Variants in CSRNP3 observed in about 807,000 individuals in gnomAD.
CSRNP3 encodes the protein cysteine/serine-rich nuclear protein 3.
In CSRNP3, 12 loss-of-function variants were observed where a neutral mutation model predicts 48.0. The observed-to-expected ratio is 0.25, with a 90% CI of 0.16 to 0.41. CSRNP3 has a LOEUF of 0.41. Ranked by LOEUF, CSRNP3 falls within the 10% of genes least tolerant of loss-of-function variation. The probability of loss-of-function intolerance (pLI) is 1.00; values close to 1 mark genes in which losing one functional copy is unlikely to be tolerated. For synonymous variants in CSRNP3, 263 were observed against 269.7 expected, an observed-to-expected ratio of 0.98 and a Z score of 0.24; for missense variants, 580 against 724.4, an observed-to-expected ratio of 0.80 and a Z score of 2.29.
chr2:165,498,868 A>G (rs1260318288), intron 2 of CSRNP3, among the ~76,000 whole-genome samples: 3 of 152,160 alleles, frequency 2.0e-5, no homozygotes, highest in Non-Finnish European at 4.4e-5. Context: ...CAGGATGTTC[A>G]TAGGTGGAAT....
chr2:165,611,258 G>A (rs945928952), intron 4 of CSRNP3, among the ~76,000 whole-genome samples: 7 of 152,060 alleles, frequency 4.6e-5, no homozygotes, highest in African/African-American at 1.7e-4. Context: ...CTTGGCTCAG[G>A]CATGTAGACA....
At chr2:165,611,358 G>A (rs1051601608) in intron 4 of CSRNP3, among the ~76,000 whole-genome samples, 2 of 59,230 alleles carry the variant, frequency 3.4e-5, no homozygotes, top group Admixed American at 1.9e-4. Context: ...ACCATTTCAC[G>A]ATATATGTGT....
At chr2:165,512,396 T>C (rs1161939727) in intron 2 of CSRNP3, among the ~76,000 whole-genome samples, 1 of 152,202 alleles carries the variant, frequency 6.6e-6, no homozygotes, top group Non-Finnish European at 1.5e-5. Context: ...TAATACCTCT[T>C]CCTATGCCTT....
At chr2:165,479,852 T>TC (rs2105447735) in intron 1 of CSRNP3, among the ~76,000 whole-genome samples, 1 of 147,946 alleles carries the variant, frequency 6.8e-6, no homozygotes, top group African/African-American at 2.5e-5. Flanking sequence ...GCCACTGCAC[T>TC]CCAGCCTGGG....
intron 4 of CSRNP3, among the ~76,000 whole-genome samples, chr2:165,632,358 C>T (rs1203780383): frequency 6.6e-6 from 1 of 151,876 alleles, no homozygotes; most frequent in East Asian, 1.9e-4. Flanking sequence ...ACTGTCTTTA[C>T]AGAAAATTTA....
chr2:165,594,426 A>G (rs1685776203), intron 3 of CSRNP3, among the ~76,000 whole-genome samples: 1 of 152,164 alleles, frequency 6.6e-6, no homozygotes, highest in Non-Finnish European at 1.5e-5. Context: ...TCCATTCTCT[A>G]CCCATAGGCC....
chr2:165,553,563 A>G (rs1413551783), intron 3 of CSRNP3, among the ~76,000 whole-genome samples: 6 of 152,170 alleles, frequency 3.9e-5, no homozygotes, highest in Non-Finnish European at 7.3e-5. Context: ...CTCCCTATCC[A>G]GAAGATTTCT....
intron 5 of CSRNP3, among the ~76,000 whole-genome samples, chr2:165,668,009 G>A (rs1687263499): frequency 6.6e-6 from 1 of 152,134 alleles, no homozygotes; most frequent in African/African-American, 2.4e-5. Context: ...CTATGGGACT[G>A]GTAATTATCA....
chr2:165,505,967 G>A lies in CSRNP3; in HGVS notation c.-113+11039G>A, dbSNP rs191850778. Among the ~76,000 whole-genome samples the A allele has an allele frequency of 3.9e-5, 6 of 152,224 alleles. No homozygotes were observed. In the East Asian group the frequency reaches 1.2e-3, roughly 29 times the overall value. On this transcript the variant is annotated intron_variant, in intron 2 of 6. Transcript: ENST00000651982. ...TATACTATCTATCTTAGATAAAACA[G>A]AGATATCCTAGCTCATGTAATCGAG...
intron 3 of CSRNP3, among the ~76,000 whole-genome samples, chr2:165,538,778 A>G (rs1200281669): frequency 6.6e-6 from 1 of 151,874 alleles, no homozygotes; most frequent in Non-Finnish European, 1.5e-5. Context: ...GAGTCTTGAC[A>G]TATTTTCTGG....
intron 4 of CSRNP3, among the ~76,000 whole-genome samples, chr2:165,603,746 A>T (rs538864450): frequency 6.6e-6 from 1 of 152,290 alleles, no homozygotes; most frequent in African/African-American, 2.4e-5. Context: ...TTTGGAGAAA[A>T]TGACAAAACT....
At chr2:165,637,328 A>G (rs762106144) in intron 4 of CSRNP3, among the ~76,000 whole-genome samples, 41 of 152,220 alleles carry the variant, frequency 2.7e-4, no homozygotes, top group Non-Finnish European at 5.1e-4. Context: ...GTCTTTATAT[A>G]GAGATTTGGT....
At chr2:165,519,926 A>C (rs1014600507) in intron 3 of CSRNP3, among the ~76,000 whole-genome samples, 2 of 152,186 alleles carry the variant, frequency 1.3e-5, no homozygotes, top group African/African-American at 4.8e-5. Context: ...TACACAAAAG[A>C]GATAGATGTC....
chr2:165,561,327 C>T (rs921188783), intron 3 of CSRNP3, among the ~76,000 whole-genome samples: 1 of 152,122 alleles, frequency 6.6e-6, no homozygotes, highest in African/African-American at 2.4e-5. Flanking sequence ...GGAGAAAATT[C>T]GAGTCCATCA....
intron 3 of CSRNP3, among the ~76,000 whole-genome samples, chr2:165,568,382 G>A (rs1458842144): frequency 6.6e-6 from 1 of 152,060 alleles, no homozygotes; most frequent in Admixed American, 6.6e-5. Context: ...CTCAATACAT[G>A]CCTAAATCTC....
intron 2 of CSRNP3, among the ~76,000 whole-genome samples, chr2:165,513,190 A>C (rs1684531152): frequency 6.6e-6 from 1 of 152,208 alleles, no homozygotes; most frequent in Non-Finnish European, 1.5e-5. Context: ...TTGCTCTGTC[A>C]GGAAACTGTC....
intron 3 of CSRNP3, among the ~76,000 whole-genome samples, chr2:165,539,371 A>G (rs930792): frequency 0.72 from 109,118 of 151,804 alleles, 39,727 homozygotes; most frequent in African/African-American, 0.83. Flanking sequence ...CTTCCCAGTC[A>G]TATACACACC....
In CSRNP3 at chr2:165,508,572, A is replaced by G. The variant is rs138678407; in HGVS notation, c.-112-9301A>G. On this transcript the variant is annotated intron_variant, in intron 2 of 6. Coordinates refer to ENST00000651982, the MANE Select transcript of CSRNP3 (RefSeq NM_001172173.2). The stretch of plus-strand genomic sequence containing the variant: ...AACTCTTATTGACAACCTGGTTTAT[A>G]TTCTTTCATGTGTTTTTAAAATATT... 6.5e-3 allele frequency among the ~76,000 whole-genome samples: 987 copies of G among 152,032 alleles called. 7 individuals are homozygous for G. Among genetic ancestry groups the G allele is most frequent in the South Asian group, 0.029 (138 of 4,816 alleles).
intron 2 of CSRNP3, among the ~76,000 whole-genome samples, 188 bp from the exon 3 acceptor site, chr2:165,517,685 T>C (rs1684599242): frequency 1.3e-5 from 2 of 151,978 alleles, no homozygotes; most frequent in Admixed American, 1.3e-4. Context: ...TACATTGTTC[T>C]AAGAAAAAAT....
Sources: allele counts gnomAD v4.1 joint callset (sites outside exome capture counted in the v4.1 genomes callset), GRCh38; gene constraint gnomAD v4.1.1; transcripts MANE v1.5; gene names NCBI Gene and HGNC (gene_info 2026-07-23, HGNC 2026-07-21).